Variants in C4orf51 observed in about 807,000 individuals in gnomAD.
C4orf51 encodes the protein chromosome 4 open reading frame 51, also known as uncharacterized protein C4orf51.
C4orf51 carries 25 observed loss-of-function variants against 25.2 expected under a neutral mutation model. The ratio of observed to expected loss-of-function variants is 0.99; its 90% CI spans 0.72 to 1.39. C4orf51 has a LOEUF of 1.39. Among genes scored for constraint, C4orf51 ranks in the 40% most tolerant of loss-of-function variants. The pLI is 0.00. For missense variants in C4orf51, 252 were observed against 239.6 expected, an observed-to-expected ratio of 1.05 and a Z score of -0.34; for synonymous variants, 100 against 84.5, an observed-to-expected ratio of 1.18 and a Z score of -1.01.
chr4:145,685,521 G>A (rs957088713), intron 1 of C4orf51, among the ~76,000 whole-genome samples: 3 of 152,178 alleles, frequency 2.0e-5, no homozygotes, highest in South Asian at 2.1e-4. Context: ...TGAGAGGGTC[G>A]TGCTCAATTG....
the C4orf51 span, among the ~76,000 whole-genome samples, chr4:145,780,872 G>T: frequency 6.6e-6 from 1 of 152,200 alleles, no homozygotes; most frequent in East Asian, 1.9e-4. Flanking sequence ...ATAATTGAAT[G>T]GTGGTAAGAA....
intron 2 of C4orf51, among the ~76,000 whole-genome samples, chr4:145,701,823 A>C (rs1730465942): frequency 6.6e-6 from 1 of 151,946 alleles, no homozygotes; most frequent in African/African-American, 2.4e-5. Flanking sequence ...TTTTTTAGTT[A>C]TCCCCACCTG....
At position 145,726,820 on chromosome 4, in the gene C4orf51, A is replaced by G. The variant is rs1578996944; in HGVS notation, c.308-91A>G. On this transcript the variant is annotated intron_variant, in intron 2 of 5. Transcript: ENST00000438731. ...CTAAAGGGAAGCAATTGAAGTGTGT[A>G]CAATTTGTGGTAATAGCCTAATTGG... 3 of 1,040,748 alleles carry G rather than the reference A, an allele frequency of 2.9e-6. No individual in the cohort carries two copies. The East Asian group carries it at 7.1e-5, about 25-fold the overall frequency. The allele number at this position is 1,040,748 out of a possible 1,614,324, so 64.5% of individuals were successfully genotyped here.
chr4:145,710,215 G>A (rs931680539), intron 2 of C4orf51, among the ~76,000 whole-genome samples: 1 of 152,200 alleles, frequency 6.6e-6, no homozygotes, highest in Non-Finnish European at 1.5e-5. Flanking sequence ...ATTCAACTCA[G>A]GGGTTTAAGG....
At position 145,745,785 on chromosome 4, in the gene C4orf51, T is replaced by G. The variant is rs1220165435; in HGVS notation, n.168-8422T>G. On this transcript the variant is annotated intron_variant and non_coding_transcript_variant, in intron 1 of 1. Transcript: ENST00000508981. ...TATGGTGGCTCTATTTTTAGTTTTT[T>G]GAGGAACCTCCAAACTGTTCTCCAT... Among the ~76,000 whole-genome samples the G allele has an allele frequency of 3.3e-5, 5 of 151,888 alleles. No individual in the cohort carries two copies. The East Asian group carries it at 9.7e-4, about 29-fold the overall frequency.
intron 1 of C4orf51, among the ~76,000 whole-genome samples, chr4:145,746,640 A>G (rs1466257908): frequency 1.3e-5 from 2 of 152,060 alleles, no homozygotes; most frequent in African/African-American, 4.8e-5. Flanking sequence ...TTGAAGTCAC[A>G]TAATGTAATT....
chr4:145,740,044 C>T lies in C4orf51; in HGVS notation n.167+7425C>T, dbSNP rs142881601. 8.3e-3 allele frequency among the ~76,000 whole-genome samples: 1,265 copies of T among 152,174 alleles called. 13 individuals are homozygous for T. The highest frequency in any genetic ancestry group is 0.011 in the Non-Finnish European group (724 of 68,020). On this transcript the variant is annotated intron_variant and non_coding_transcript_variant, in intron 1 of 1. Transcript: ENST00000508981. ...GCAAACAAACGTTAAGTTCAGAGTCCGCTGACATTGGAAGCAAGCCAGGTG... is the reference window on the plus strand; with the variant it reads ...GCAAACAAACGTTAAGTTCAGAGTCTGCTGACATTGGAAGCAAGCCAGGTG...
the C4orf51 span, among the ~76,000 whole-genome samples, chr4:145,788,628 C>A: frequency 6.6e-6 from 1 of 152,068 alleles, no homozygotes; most frequent in African/African-American, 2.4e-5. Context: ...TTGTACTGAA[C>A]AGCAACCTAA....
At chr4:145,784,551 A>G in the C4orf51 span, among the ~76,000 whole-genome samples, 4 of 152,160 alleles carry the variant, frequency 2.6e-5, no homozygotes. Flanking sequence ...CATCTTAATT[A>G]TCTTCTTCTG....
At chr4:145,755,739 G>A (rs74353940), downstream of C4orf51, among the ~76,000 whole-genome samples, 241 of 152,296 alleles carry the variant, frequency 1.6e-3, 1 homozygote, top group African/African-American at 5.5e-3. Flanking sequence ...TTAGTTAATT[G>A]TAGTTATTCC....
intron 1 of C4orf51, among the ~76,000 whole-genome samples, chr4:145,768,547 CAAT>C (rs1485815765): frequency 1.3e-5 from 2 of 151,888 alleles, no homozygotes; most frequent in African/African-American, 2.4e-5. Flanking sequence ...GTTAAGATGT[CAAT>C]TATCCACAGA....
At chr4:145,744,495 C>T (rs182817481) in intron 1 of C4orf51, among the ~76,000 whole-genome samples, 133 of 152,214 alleles carry the variant, frequency 8.7e-4, no homozygotes, top group Admixed American at 1.5e-3. Flanking sequence ...TTCACTATTG[C>T]TGCTACTATG....
rs1309510488 is a variant in C4orf51 at position 145,762,893 on chromosome 4, G to A, written n.167-8095G>A. Among the ~76,000 whole-genome samples, 1 of 152,238 alleles carries A rather than the reference G, an allele frequency of 6.6e-6. No homozygotes were observed. Among genetic ancestry groups the A allele is most frequent in the Non-Finnish European group, 1.5e-5 (1 of 68,048 alleles). On this transcript the variant is annotated intron_variant and non_coding_transcript_variant, in intron 1 of 1. Transcript: ENST00000510096. This position sits in a 1 kb window ranked among gnomAD's most constrained non-coding sequence, Gnocchi z 4.9. Reference sequence around the variant, plus strand: ...GGCTCCTGCAGGGCAGGGCTCAGGAGTGGACTGTCCTCGGAGGGTCTGGAG... The same window carrying A: ...GGCTCCTGCAGGGCAGGGCTCAGGAATGGACTGTCCTCGGAGGGTCTGGAG...
At position 145,712,001 on chromosome 4, in the gene C4orf51, G is replaced by A. The variant is rs183938150; in HGVS notation, c.308-14910G>A. ...TTTCATTATTATTGTGTCTGTTATG[G>A]TAATCTGCAATTAGTGATGTTTGAT... On this transcript the variant is annotated intron_variant, in intron 2 of 5. Coordinates refer to ENST00000438731, the MANE Select transcript of C4orf51 (RefSeq NM_001080531.3). Among the ~76,000 whole-genome samples, 398 of 152,084 alleles carry A rather than the reference G, an allele frequency of 2.6e-3. 1 individual carries two copies. Among genetic ancestry groups the A allele is most frequent in the Non-Finnish European group, 5.1e-3 (344 of 67,984 alleles).
At chr4:145,749,665 C>T (rs1161991395) in intron 1 of C4orf51, among the ~76,000 whole-genome samples, 1 of 151,930 alleles carries the variant, frequency 6.6e-6, no homozygotes, top group African/African-American at 2.4e-5. Context: ...GACAGAGTCT[C>T]ACTCTGTTGC....
At chr4:145,776,341 G>T in the C4orf51 span, among the ~76,000 whole-genome samples, 4 of 151,956 alleles carry the variant, frequency 2.6e-5, no homozygotes, top group Non-Finnish European at 5.9e-5. Flanking sequence ...CGTGCCTGTA[G>T]TCCCAGCTAC....
chr4:145,753,203 G>A (rs1467693726), intron 1 of C4orf51, among the ~76,000 whole-genome samples: 1 of 149,286 alleles, frequency 6.7e-6, no homozygotes, highest in Non-Finnish European at 1.5e-5. Flanking sequence ...GGTGTTTCTG[G>A]TGGGGGAAAA....
chr4:145,762,488 A>G lies in C4orf51; in HGVS notation n.167-8500A>G, dbSNP rs911103380. 6.6e-6 allele frequency among the ~76,000 whole-genome samples: 1 copy of G among 152,222 alleles called. No individual in the cohort carries two copies. The highest frequency in any genetic ancestry group is 2.4e-5 in the African/African-American group (1 of 41,456). On this transcript the variant is annotated intron_variant and non_coding_transcript_variant, in intron 1 of 1. Transcript: ENST00000510096. The surrounding 1 kb of genome is among the most constrained non-coding windows in gnomAD (Gnocchi z 4.9). ...CTCTGCATTCTCTGCAGTGCTTGGT[A>G]GAGTACTTAACACACGGTAAGCACT...
At chr4:145,691,781 G>A (rs1451146513) in intron 1 of C4orf51, among the ~76,000 whole-genome samples, 1 of 119,964 alleles carries the variant, frequency 8.3e-6, no homozygotes, top group Non-Finnish European at 1.7e-5. Flanking sequence ...GGCAGAGAGG[G>A]AAGGGAGCAA....
Sources: allele counts gnomAD v4.1 joint callset (sites outside exome capture counted in the v4.1 genomes callset), GRCh38; gene constraint gnomAD v4.1.1; non-coding constraint Gnocchi (gnomAD v3.1); transcripts MANE v1.5; gene names NCBI Gene and HGNC (gene_info 2026-07-23, HGNC 2026-07-21).